NBAS: variants seen among roughly 807,000 people sequenced by gnomAD.
NBAS encodes the protein NBAS subunit of NRZ tethering complex, also known as NAG/BC035112 fusion.
NBAS carries 219 observed loss-of-function variants against 302.5 expected under a neutral mutation model. The observed-to-expected ratio is 0.72, with a 90% CI of 0.65 to 0.81. The LOEUF (loss-of-function observed/expected upper bound fraction) is 0.81, where lower values mean the gene tolerates loss of function less well. Ranked by LOEUF, NBAS falls within the 30% of genes least tolerant of loss-of-function variation. NBAS has a pLI of 0.00. For missense variants in NBAS, 2,932 were observed against 2,841.6 expected (o/e 1.03, Z -0.72); for synonymous variants, 1,118 against 1,021.6 (o/e 1.09, Z -1.80).
chr2:14,782,276 C>T, the NBAS span, among the ~76,000 whole-genome samples: 1 of 151,884 alleles, frequency 6.6e-6, no homozygotes, highest in Admixed American at 6.6e-5. Flanking sequence ...CAATGTTCCC[C>T]CCATTAAAAA....
intron 44 of NBAS, among the ~76,000 whole-genome samples, chr2:15,250,891 A>G (rs1338189890): frequency 1.3e-5 from 2 of 152,200 alleles, no homozygotes; most frequent in African/African-American, 2.4e-5. Context: ...CATGTGGAAA[A>G]CAGTGTGGCA....
At chr2:14,891,065 G>GA in the NBAS span, among the ~76,000 whole-genome samples, 1 of 152,108 alleles carries the variant, frequency 6.6e-6, no homozygotes, top group African/African-American at 2.4e-5. Context: ...AAGCTAAAGA[G>GA]AAAAAATGAT....
At chr2:14,928,835 C>T in the NBAS span, among the ~76,000 whole-genome samples, 3 of 152,070 alleles carry the variant, frequency 2.0e-5, no homozygotes, top group East Asian at 1.9e-4. Flanking sequence ...ACAGTCCCCA[C>T]GCTCTGAACA....
At chr2:15,533,488 G>A (rs546841471) in intron 9 of NBAS, among the ~76,000 whole-genome samples, 3 of 152,296 alleles carry the variant, frequency 2.0e-5, no homozygotes, top group Middle Eastern at 3.4e-3. Context: ...AGGAAGTCAC[G>A]AAGTGAGACT....
the NBAS span, among the ~76,000 whole-genome samples, chr2:15,093,232 A>G: frequency 1.3e-5 from 2 of 152,160 alleles, no homozygotes; most frequent in African/African-American, 4.8e-5. Context: ...CCTGGCCAAC[A>G]TGGTAAAACC....
chr2:15,549,151 T>C (rs976936844), intron 6 of NBAS, among the ~76,000 whole-genome samples: 1 of 152,156 alleles, frequency 6.6e-6, no homozygotes, highest in Non-Finnish European at 1.5e-5. Context: ...CACAACTCAA[T>C]TTATAAAATT....
At chr2:15,010,579 C>G in the NBAS span, among the ~76,000 whole-genome samples, 1 of 152,148 alleles carries the variant, frequency 6.6e-6, no homozygotes, top group Admixed American at 6.5e-5. Context: ...CAAAGTGAAA[C>G]CACCTTTGAG....
At chr2:15,186,371 T>C (rs1317898368) in intron 50 of NBAS, among the ~76,000 whole-genome samples, 2 of 152,152 alleles carry the variant, frequency 1.3e-5, no homozygotes, top group Non-Finnish European at 2.9e-5. Flanking sequence ...TGGTTGGTTA[T>C]CTGCTGAGAA....
rs868334513 is a variant in NBAS, at chr2:15,541,970, C to A, written c.380-2614G>T. Among the ~76,000 whole-genome samples, 6 of 65,794 alleles carry A rather than the reference C, an allele frequency of 9.1e-5. 1 individual carries two copies. The highest frequency in any genetic ancestry group is 1.5e-4 in the Non-Finnish European group (4 of 27,470). The allele number at this position is 65,794 out of a possible 152,430, so 43.2% of individuals were successfully genotyped here. A position where few individuals can be genotyped will look rare whatever the true frequency, so the allele number is the denominator to read the frequency against. On this transcript the variant is annotated intron_variant, in intron 6 of 51. Coordinates refer to ENST00000281513, the MANE Select transcript of NBAS (RefSeq NM_015909.4). The stretch of plus-strand genomic sequence containing the variant: ...GAGGGAGGTGGGGGGGTCAGCCCCC[C>A]GACCGGCCAGCCACCCCGTCCGGGA...
At chr2:14,917,728 A>G in the NBAS span, among the ~76,000 whole-genome samples, 1 of 152,208 alleles carries the variant, frequency 6.6e-6, no homozygotes, top group Non-Finnish European at 1.5e-5. Flanking sequence ...AGCCCTGGAC[A>G]AGGAATGGCC....
chr2:15,529,886 T>C (rs577358130), intron 9 of NBAS, among the ~76,000 whole-genome samples: 53 of 152,346 alleles, frequency 3.5e-4, no homozygotes, highest in Non-Finnish European at 6.8e-4. Flanking sequence ...TGTAATATGT[T>C]TATTTTATAA....
At chr2:14,943,496 T>C in the NBAS span, among the ~76,000 whole-genome samples, 3 of 152,364 alleles carry the variant, frequency 2.0e-5, no homozygotes, top group East Asian at 3.9e-4. Flanking sequence ...AGAAAATTCA[T>C]ACAATCACAG....
At chr2:14,974,738 A>T in the NBAS span, among the ~76,000 whole-genome samples, 11 of 152,296 alleles carry the variant, frequency 7.2e-5, no homozygotes, top group South Asian at 2.1e-3. Flanking sequence ...AGGCAGTCCT[A>T]AAAATAACCA....
chr2:15,175,895 C>T (rs919135539), intron 51 of NBAS, among the ~76,000 whole-genome samples: 2 of 152,146 alleles, frequency 1.3e-5, no homozygotes, highest in Non-Finnish European at 2.9e-5. Flanking sequence ...ATAATACATG[C>T]TATCAGCAAA....
the NBAS span, among the ~76,000 whole-genome samples, chr2:14,894,683 G>A: frequency 4.6e-5 from 7 of 152,100 alleles, no homozygotes; most frequent in Admixed American, 2.0e-4. Flanking sequence ...ATGAATAAGC[G>A]TTGAGAGGGG....
the NBAS span, among the ~76,000 whole-genome samples, chr2:15,029,627 T>C: frequency 2.0e-5 from 3 of 152,242 alleles, no homozygotes; most frequent in African/African-American, 7.2e-5. Context: ...TGATGGTGAC[T>C]GATCAAAACA....
chr2:15,440,663 G>C (rs1678336774), intron 21 of NBAS, among the ~76,000 whole-genome samples: 1 of 152,236 alleles, frequency 6.6e-6, no homozygotes, highest in Non-Finnish European at 1.5e-5. Flanking sequence ...GATGGAGAAT[G>C]ACTTTGATGA....
At chr2:15,081,083 C>A in the NBAS span, among the ~76,000 whole-genome samples, 1 of 152,096 alleles carries the variant, frequency 6.6e-6, no homozygotes, top group Non-Finnish European at 1.5e-5. Flanking sequence ...GGTCTTCTCA[C>A]ACATATGCCC....
intron 47 of NBAS, among the ~76,000 whole-genome samples, chr2:15,225,391 A>G (rs950832002): frequency 6.6e-6 from 1 of 152,210 alleles, no homozygotes; most frequent in African/African-American, 2.4e-5. Flanking sequence ...CTCACGAAAC[A>G]TAAGGCCTCA....
Sources: gnomAD v4.1 joint callset for allele counts (sites outside exome capture counted in the v4.1 genomes callset) on GRCh38, gnomAD v4.1.1 for gene constraint, MANE v1.5 for transcripts, NCBI Gene and HGNC (gene_info 2026-07-23, HGNC 2026-07-21) for gene names.